The following ARHGEF12 variants were observed in gnomAD, a reference collection of about 807,000 sequenced individuals.
ARHGEF12 encodes the protein KMT2A/ARHGEF12 fusion protein.
ARHGEF12 carries 66 observed loss-of-function variants against 211.2 expected under a neutral mutation model. The ratio of observed to expected loss-of-function variants is 0.31; its 90% CI spans 0.26 to 0.38. The LOEUF (loss-of-function observed/expected upper bound fraction) is 0.38, where lower values mean the gene tolerates loss of function less well. Among genes scored for constraint, ARHGEF12 ranks in the 10% least tolerant of loss-of-function variants. The pLI is 1.00. For missense variants in ARHGEF12, 1,429 were observed against 1,869.5 expected, an observed-to-expected ratio of 0.76 and a Z score of 4.34; for synonymous variants, 592 against 638.4, an observed-to-expected ratio of 0.93 and a Z score of 1.09.
At chr11:120,393,102 A>G (rs1053302374) in intron 1 of ARHGEF12, among the ~76,000 whole-genome samples, 1 of 152,238 alleles carries the variant, frequency 6.6e-6, no homozygotes, top group African/African-American at 2.4e-5. Flanking sequence ...TGTAGTAAAA[A>G]TGTATTGAAT....
chr11:120,347,151 C>CT (rs1296663235), intron 1 of ARHGEF12, among the ~76,000 whole-genome samples: 2 of 58,512 alleles, frequency 3.4e-5, no homozygotes, highest in Non-Finnish European at 6.4e-5. Context: ...TTCCTTCCTT[C>CT]CTTCCTTCCT....
chr11:120,369,331 G>A (rs751328887), intron 1 of ARHGEF12, among the ~76,000 whole-genome samples: 12 of 152,082 alleles, frequency 7.9e-5, no homozygotes, highest in Non-Finnish European at 1.5e-4. Context: ...GTTTCACCAT[G>A]TTGGCCAGGC....
chr11:120,451,611 A>G lies in ARHGEF12; in HGVS notation c.1943A>G (p.Gln648Arg). The G allele has an allele frequency of 1.9e-6, 3 of 1,614,208 alleles. No homozygotes were observed. The highest frequency in any genetic ancestry group is 1.1e-5 in the South Asian group (1 of 91,086). The change falls in exon 22 of 41, where the codon CAG becomes CGG. Residue 648 changes from glutamine (Q) to arginine (R), a missense_variant. Coordinates refer to ENST00000397843, the MANE Select transcript of ARHGEF12 (RefSeq NM_015313.3). ...CCTCAGGACTCTGCCAAGTTGCGCC[A>G]GAGTGGGTTAGCAAATGAAGGAACA... is the stretch of plus-strand genomic sequence containing the variant. ...PEPQDSAKLR[Q>R]SGLANEGTDA...
intron 1 of ARHGEF12, among the ~76,000 whole-genome samples, chr11:120,365,419 G>A (rs181567097): frequency 1.3e-5 from 2 of 152,272 alleles, no homozygotes; most frequent in Admixed American, 1.3e-4. Flanking sequence ...GAGGAATATC[G>A]TGATCAGTAA....
At chr11:120,449,789 T>C (rs1946151459) in intron 21 of ARHGEF12, 1 of 152,034 alleles carries the variant, frequency 6.6e-6, no homozygotes, top group Admixed American at 6.6e-5. Context: ...CATAGTTTAC[T>C]TACCTCTTCT....
intron 5 of ARHGEF12, among the ~76,000 whole-genome samples, chr11:120,421,432 TTTTTTTTTTG>T (rs1945184118): frequency 2.1e-5 from 2 of 96,396 alleles, no homozygotes; most frequent in South Asian, 3.8e-4. Context: ...CAGCCTTGTT[TTTTTTTTTTG>T]TTTTTTTTTT....
intron 30 of ARHGEF12, among the ~76,000 whole-genome samples, chr11:120,469,916 G>A (rs1946819342): frequency 6.6e-6 from 1 of 152,194 alleles, no homozygotes; most frequent in African/African-American, 2.4e-5. Context: ...TCTGAAGGAT[G>A]AGTGGAAGTG....
In ARHGEF12 at chr11:120,457,138, ACAT is replaced by A; in HGVS notation, c.2080_2082del (p.Ser694del). 6.2e-7 allele frequency: 1 copy of A among 1,613,892 alleles called. No individual in the cohort carries two copies. The highest frequency in any genetic ancestry group is 8.5e-7 in the Non-Finnish European group (1 of 1,179,902). On this transcript the variant is annotated inframe_deletion, in exon 23 of 41. Transcript: ENST00000397843. ...TACAGGATCAAAGCAAGTTGGAGAA[ACAT>A]CAGCACCTGGAGACACCTTAGATGG...
intron 1 of ARHGEF12, among the ~76,000 whole-genome samples, chr11:120,351,438 TATATATATATATA>T (rs1942954639): frequency 1.9e-3 from 7 of 3,694 alleles, no homozygotes; most frequent in African/African-American, 0.012. Flanking sequence ...TATATATATA[TATATATATATATA>T]TATATTTTTT....
At chr11:120,373,348 T>G (rs1341755402) in intron 1 of ARHGEF12, among the ~76,000 whole-genome samples, 1 of 152,238 alleles carries the variant, frequency 6.6e-6, no homozygotes, top group African/African-American at 2.4e-5. Context: ...AAAATATGTT[T>G]TATTTCCATG....
intron 29 of ARHGEF12, among the ~76,000 whole-genome samples, chr11:120,468,667 T>A (rs1323897685): frequency 6.6e-6 from 1 of 152,220 alleles, no homozygotes; most frequent in African/African-American, 2.4e-5. Context: ...GCCAGACTGG[T>A]CTTGAACTCC....
intron 1 of ARHGEF12, among the ~76,000 whole-genome samples, chr11:120,402,689 T>C (rs543380232): frequency 1.3e-5 from 2 of 152,210 alleles, no homozygotes; most frequent in Admixed American, 6.5e-5. Context: ...GAGAAAAGGG[T>C]ATGAATTAAG....
At chr11:120,358,297 A>G (rs1269658261) in intron 1 of ARHGEF12, among the ~76,000 whole-genome samples, 5 of 152,138 alleles carry the variant, frequency 3.3e-5, no homozygotes, top group Non-Finnish European at 1.5e-5. Flanking sequence ...TTAAGAAGAT[A>G]CTAAGAATAC....
intron 4 of ARHGEF12, among the ~76,000 whole-genome samples, chr11:120,418,718 T>C (rs979329929): frequency 5.9e-5 from 9 of 152,232 alleles, no homozygotes; most frequent in African/African-American, 2.2e-4. Flanking sequence ...TTAGCCAGAC[T>C]AGTTGGTGTA....
intron 1 of ARHGEF12, among the ~76,000 whole-genome samples, chr11:120,354,696 A>G (rs1484331960): frequency 1.3e-5 from 2 of 152,212 alleles, no homozygotes; most frequent in African/African-American, 4.8e-5. Context: ...TAGGCAGATC[A>G]TTGGTTTAAA....
chr11:120,389,151 A>G (rs1188674380), intron 1 of ARHGEF12, among the ~76,000 whole-genome samples: 3 of 152,156 alleles, frequency 2.0e-5, no homozygotes, highest in Non-Finnish European at 4.4e-5. Flanking sequence ...GATTACAGGC[A>G]TGAGCCACCA....
chr11:120,480,421 C>A lies in ARHGEF12; in HGVS notation c.4228C>A (p.Arg1410Ser). The change falls in exon 38 of 41, where the codon CGC becomes AGC. Residue 1410 changes from arginine (R) to serine (S), a missense_variant. By Grantham distance (110) the Arg-to-Ser change is moderately radical. Coordinates refer to ENST00000397843, the MANE Select transcript of ARHGEF12 (RefSeq NM_015313.3). ...VNKEEKDVNL[R>S]ISGNYLILDG... Reference sequence around the variant, plus strand: ...CAAGGAAGAGAAGGATGTTAATTTACGCATCTCAGGCAAGTATCTTTCACA... The same window carrying A: ...CAAGGAAGAGAAGGATGTTAATTTAAGCATCTCAGGCAAGTATCTTTCACA... 6.2e-7 allele frequency: 1 copy of A among 1,607,244 alleles called. No individual in the cohort carries two copies. Among genetic ancestry groups the A allele is most frequent in the Non-Finnish European group, 8.5e-7 (1 of 1,175,800 alleles).
At chr11:120,361,656 C>T (rs1943278539) in intron 1 of ARHGEF12, among the ~76,000 whole-genome samples, 1 of 152,166 alleles carries the variant, frequency 6.6e-6, no homozygotes, top group African/African-American at 2.4e-5. Context: ...GTGAGTTTTT[C>T]AGAGGAATCC....
chr11:120,469,528 G>T, intron 30 of ARHGEF12, 140 bp downstream of exon 30: 1 of 724,088 alleles, frequency 1.4e-6, no homozygotes, highest in South Asian at 2.2e-5. Flanking sequence ...CGCATAGTAG[G>T]CAGGTCAAGA....
Sources: allele counts gnomAD v4.1 joint callset (sites outside exome capture counted in the v4.1 genomes callset), GRCh38; gene constraint gnomAD v4.1.1; transcripts MANE v1.5; gene names NCBI Gene and HGNC (gene_info 2026-07-23, HGNC 2026-07-21).